Variants in EVI5 observed in about 807,000 individuals in gnomAD.
EVI5 encodes the protein ecotropic viral integration site 5 protein homolog.
A neutral mutation model predicts 112.0 loss-of-function variants in EVI5; 73 were observed. That is an observed-to-expected ratio of 0.65 (90% confidence interval 0.54 to 0.79). EVI5 has a LOEUF of 0.79. Among genes scored for constraint, EVI5 ranks in the 30% least tolerant of loss-of-function variants. The pLI, the probability that EVI5 is intolerant of heterozygous loss-of-function variation, is 0.00. For missense variants in EVI5, 900 were observed against 968.8 expected, an observed-to-expected ratio of 0.93 and a Z score of 0.94; for synonymous variants, 305 against 319.9, an observed-to-expected ratio of 0.95 and a Z score of 0.50.
chr1:92,665,973 C>G lies in EVI5; in HGVS notation c.1178G>C (p.Arg393Thr), dbSNP rs771257035. The G allele has an allele frequency of 6.2e-7, 1 of 1,606,760 alleles. No homozygotes were observed. The highest frequency in any genetic ancestry group is 1.1e-5 in the South Asian group (1 of 89,260). ...VEIKRLRTENRLLKQRIETLE... is the reference protein window; with the variant it reads ...VEIKRLRTENTLLKQRIETLE... ...TGTCTCGATGCGCTGTTTTAAAAGT[C>G]TATTTTCTGTGCGTAACCTCTGCCA... Residue 393 changes from arginine (R) to threonine (T), a missense_variant, in exon 11 of 20, where the codon AGA becomes ACA. Arg to Thr is a moderately conservative substitution (Grantham distance 71). Transcript: ENST00000684568.
chr1:92,631,417 C>T (rs1314605452), intron 14 of EVI5, among the ~76,000 whole-genome samples: 3 of 151,962 alleles, frequency 2.0e-5, no homozygotes, highest in African/African-American at 4.8e-5. Flanking sequence ...GTTGGATTCC[C>T]AGGTATTTTA....
chr1:92,570,071 G>A (rs1376219452), intron 18 of EVI5, among the ~76,000 whole-genome samples: 1 of 151,564 alleles, frequency 6.6e-6, no homozygotes, highest in Non-Finnish European at 1.5e-5. Flanking sequence ...AAGAGAGTGA[G>A]TGAAACAGGA....
chr1:92,638,120 G>A (rs576276581), intron 13 of EVI5, among the ~76,000 whole-genome samples: 13 of 152,194 alleles, frequency 8.5e-5, no homozygotes, highest in Non-Finnish European at 1.3e-4. Flanking sequence ...TGTAGCACAG[G>A]TTTGTTTGCA....
intron 18 of EVI5, among the ~76,000 whole-genome samples, chr1:92,600,992 AAG>A (rs1649052758): frequency 6.6e-6 from 1 of 152,214 alleles, no homozygotes; most frequent in Admixed American, 6.5e-5. Flanking sequence ...AACAAGAAAA[AAG>A]AGAGTCAAAA....
intron 14 of EVI5, among the ~76,000 whole-genome samples, chr1:92,635,361 C>T (rs1375307514): frequency 6.6e-6 from 1 of 152,214 alleles, no homozygotes; most frequent in Non-Finnish European, 1.5e-5. Flanking sequence ...TGTTTACCTA[C>T]TCAAGCCTCG....
intron 15 of EVI5, among the ~76,000 whole-genome samples, chr1:92,624,716 A>G (rs1322176164): frequency 6.6e-6 from 1 of 150,584 alleles, no homozygotes; most frequent in Non-Finnish European, 1.5e-5. Context: ...AAAAAAAAAA[A>G]AAAAGAATTT....
intron 2 of EVI5, among the ~76,000 whole-genome samples, chr1:92,712,096 T>A (rs1318980236): frequency 6.6e-6 from 1 of 152,116 alleles, no homozygotes; most frequent in Admixed American, 6.5e-5. Flanking sequence ...GGGATTAGCT[T>A]TCAACGCATG....
At chr1:92,761,591 A>T (rs1211215967) in intron 1 of EVI5, among the ~76,000 whole-genome samples, 1 of 152,142 alleles carries the variant, frequency 6.6e-6, no homozygotes, top group East Asian at 1.9e-4. Context: ...CCTGATATAC[A>T]ACTGAATTAA....
At position 92,587,646 on chromosome 1, in the gene EVI5, C is replaced by A. The variant is rs182151947; in HGVS notation, c.2070+17661G>T. Among the ~76,000 whole-genome samples, 38 of 152,216 alleles carry A rather than the reference C, an allele frequency of 2.5e-4. No individual in the cohort carries two copies. The East Asian group carries it at 6.7e-3, about 27-fold the overall frequency. On this transcript the variant is annotated intron_variant, in intron 18 of 19. Coordinates refer to ENST00000684568, the MANE Select transcript of EVI5 (RefSeq NM_001350197.2). The stretch of plus-strand genomic sequence containing the variant: ...ATGTCAGAACAGAATTTTGAGTGGG[C>A]GTTTTTAAGCCAAGAGTGGTTGGGG...
chr1:92,766,946 G>A (rs1055077938), intron 1 of EVI5, among the ~76,000 whole-genome samples: 26 of 152,034 alleles, frequency 1.7e-4, no homozygotes, highest in African/African-American at 2.4e-5. Flanking sequence ...GCTGGGCGTG[G>A]TGGCACACAC....
chr1:92,566,910 G>A (rs6422513), intron 18 of EVI5, among the ~76,000 whole-genome samples: 128,795 of 151,172 alleles, frequency 0.85, 55,225 homozygotes, highest in East Asian at 0.97. Context: ...AAGTTCAAGC[G>A]ATTCTCGTGC....
intron 10 of EVI5, among the ~76,000 whole-genome samples, chr1:92,666,438 C>T (rs1664899074): frequency 9.3e-6 from 1 of 107,948 alleles, no homozygotes; most frequent in Admixed American, 1.1e-4. Context: ...TCCCAGCTAC[C>T]TGGGAGGCTG....
Position 92,702,173 on chromosome 1 carries a change from T to C in EVI5, c.607A>G (p.Ser203Gly). 6.6e-7 allele frequency: 1 copy of C among 1,516,370 alleles called. No homozygotes were observed. Among genetic ancestry groups the C allele is most frequent in the Non-Finnish European group, 8.8e-7 (1 of 1,137,558 alleles). The allele number at this position is 1,516,370 out of a possible 1,614,324, so 93.9% of individuals were successfully genotyped here. ...VDREVGYCQG[S>G]AFIVGLLLMQ... is the part of the protein sequence containing the mutation. ...AGCAACAATCCAACTATAAAAGCACTTCCTTGACAGTAACCAACCTCACGA... is the reference window on the plus strand; with the variant it reads ...AGCAACAATCCAACTATAAAAGCACCTCCTTGACAGTAACCAACCTCACGA... Residue 203 changes from serine to glycine, a missense_variant, in exon 5 of 20, where the codon AGT becomes GGT. Coordinates refer to ENST00000684568, the MANE Select transcript of EVI5 (RefSeq NM_001350197.2).
intron 19 of EVI5, among the ~76,000 whole-genome samples, chr1:92,535,502 C>A (rs909371753): frequency 1.3e-5 from 2 of 152,108 alleles, no homozygotes; most frequent in African/African-American, 4.8e-5. Flanking sequence ...AGACTTGGAA[C>A]CAACCCAAAT....
At chr1:92,612,706 T>C (rs1202747157) in intron 16 of EVI5, among the ~76,000 whole-genome samples, 1 of 57,182 alleles carries the variant, frequency 1.7e-5, no homozygotes, top group Admixed American at 2.8e-4. Context: ...TAAGACTCCA[T>C]CTCAAAAAAA....
rs573085743 is a variant in EVI5 at position 92,511,792 on chromosome 1, C to T, written c.*1864G>A. 6.6e-6 allele frequency: 1 copy of T among 152,268 alleles called. No individual in the cohort carries two copies. Among genetic ancestry groups the T allele is most frequent in the African/African-American group, 2.4e-5 (1 of 41,550 alleles). The allele number at this position is 152,268 out of a possible 1,614,324, so 9.4% of individuals were successfully genotyped here. ...CAGGGGTATGTTTTCAATTTCATTTCTCAGGCAAGCAAATAGCTACAAAAA... is the reference window on the plus strand; with the variant it reads ...CAGGGGTATGTTTTCAATTTCATTTTTCAGGCAAGCAAATAGCTACAAAAA... On this transcript the variant is annotated 3_prime_UTR_variant, in exon 20 of 20. Transcript: ENST00000684568.
chr1:92,628,819 AT>A (rs1656262393), intron 14 of EVI5, among the ~76,000 whole-genome samples: 1 of 152,244 alleles, frequency 6.6e-6, no homozygotes, highest in African/African-American at 2.4e-5. Context: ...GAATGAAGTT[AT>A]TCTCACCAAT....
At chr1:92,531,117 C>T (rs1662793484) in intron 19 of EVI5, among the ~76,000 whole-genome samples, 1 of 151,818 alleles carries the variant, frequency 6.6e-6, no homozygotes, top group South Asian at 2.1e-4. Context: ...CTGAAAAACA[C>T]AGCATGAGAA....
intron 1 of EVI5, among the ~76,000 whole-genome samples, chr1:92,745,219 C>T (rs1251723363): frequency 6.6e-6 from 1 of 151,420 alleles, no homozygotes; most frequent in African/African-American, 2.4e-5. Context: ...AGATGACAGG[C>T]GTGGACCACC....
Sources: allele counts gnomAD v4.1 joint callset (sites outside exome capture counted in the v4.1 genomes callset), GRCh38; gene constraint gnomAD v4.1.1; transcripts MANE v1.5; gene names NCBI Gene and HGNC (gene_info 2026-07-23, HGNC 2026-07-21).